The following SLC22A2 variants were observed in gnomAD, a reference collection of about 807,000 sequenced individuals.
SLC22A2 encodes organic cation transporter 2.
A neutral mutation model predicts 60.5 loss-of-function variants in SLC22A2; 46 were observed. The observed-to-expected ratio is 0.76, with a 90% CI of 0.60 to 0.97. SLC22A2 has a LOEUF of 0.97. SLC22A2 is among the 50% of genes least tolerant of loss of function. SLC22A2 has a pLI of 0.00. For missense variants in SLC22A2, 701 were observed against 706.6 expected (o/e 0.99, Z 0.09); for synonymous variants, 303 against 267.0 (o/e 1.13, Z -1.31).
At position 160,228,922 on chromosome 6, in the gene SLC22A2, C is replaced by T. The variant is rs181852416; in HGVS notation, c.1502-4118G>A. On this transcript the variant is annotated intron_variant, in intron 9 of 10. Coordinates refer to ENST00000366953, the MANE Select transcript of SLC22A2 (RefSeq NM_003058.4). Reference sequence around the variant, plus strand: ...CATTACCTACCCAAATCCTATAAAACGGCCCCACCCCTATCTCCCTTCGAT... The same window carrying T: ...CATTACCTACCCAAATCCTATAAAATGGCCCCACCCCTATCTCCCTTCGAT... Among the ~76,000 whole-genome samples the T allele has an allele frequency of 1.2e-3, 178 of 151,626 alleles. 3 individuals are homozygous for T. Among genetic ancestry groups the T allele is most frequent in the African/African-American group, 3.8e-3 (157 of 41,088 alleles).
intron 10 of SLC22A2, among the ~76,000 whole-genome samples, chr6:160,221,508 T>C (rs951036196): frequency 1.3e-5 from 2 of 152,254 alleles, no homozygotes; most frequent in African/African-American, 4.8e-5. Context: ...CTTGGCTACC[T>C]GGTACAAGAG....
intron 2 of SLC22A2, among the ~76,000 whole-genome samples, chr6:160,254,361 C>CTT (rs767626448): frequency 1.3e-5 from 2 of 152,098 alleles, no homozygotes; most frequent in Admixed American, 6.5e-5. Context: ...TGAGGAATTG[C>CTT]TTTTTTGTCT....
At chr6:160,250,502 A>T (rs189579404) in intron 3 of SLC22A2, 46 bp downstream of exon 3, 1 of 1,604,626 alleles carries the variant, frequency 6.2e-7, no homozygotes. Context: ...CTATTTTGGC[A>T]GCGAGGTTGC....
chr6:160,245,595 C>A, intron 5 of SLC22A2, 50 bp from the exon 6 acceptor site: 1 of 1,175,728 alleles, frequency 8.5e-7, no homozygotes, highest in Non-Finnish European at 1.2e-6. Flanking sequence ...TGCTAGTGTC[C>A]CTGGGTCACA....
intron 10 of SLC22A2, among the ~76,000 whole-genome samples, chr6:160,219,700 G>A (rs1782614952): frequency 6.6e-6 from 1 of 151,794 alleles, no homozygotes; most frequent in Admixed American, 6.6e-5. Flanking sequence ...GCATACCTCA[G>A]AGATATTGGG....
At position 160,258,575 on chromosome 6, in the gene SLC22A2, CAG is replaced by C; in HGVS notation, c.181_182del (p.Leu61AlafsTer29). The C allele has an allele frequency of 6.2e-7, 1 of 1,613,906 alleles. No homozygotes were observed. Among genetic ancestry groups the C allele is most frequent in the South Asian group, 1.1e-5 (1 of 91,048 alleles). Reference sequence around the variant, plus strand: ...CCTCTGCAGGACTCCAGCCGCAGCGCAGACTCAGCTCGGCCACTCCGGGGCTC... The same window carrying C: ...CCTCTGCAGGACTCCAGCCGCAGCGCACTCAGCTCGGCCACTCCGGGGCTC... ...CRSPGVAELSLRCGWSPAEEL... is the reference protein window; with the variant it reads ...CRSPGVAELSXRCGWSPAEEL... On this transcript the variant is annotated frameshift_variant, in exon 1 of 11. Coordinates refer to ENST00000366953, the MANE Select transcript of SLC22A2 (RefSeq NM_003058.4). LOFTEE classifies it high-confidence loss of function.
Position 160,224,815 on chromosome 6 carries a change from A to C in SLC22A2, c.1502-11T>G. The C allele has an allele frequency of 6.6e-7, 1 of 1,504,832 alleles. No homozygotes were observed. The highest frequency in any genetic ancestry group is 9.1e-7 in the Non-Finnish European group (1 of 1,100,538). The allele number at this position is 1,504,832 out of a possible 1,614,324, so 93.2% of individuals were successfully genotyped here. A position where few individuals can be genotyped will look rare whatever the true frequency, so the allele number is the denominator to read the frequency against. On this transcript the variant is annotated splice_polypyrimidine_tract_variant and intron_variant, in intron 9 of 10. Coordinates refer to ENST00000366953, the MANE Select transcript of SLC22A2 (RefSeq NM_003058.4). ...CCAAGCCAAGCACGCCTGAAAGCCA[A>C]ACAGATGAATATCACATTAAGAACT...
chr6:160,226,412 T>C (rs1782724002), intron 9 of SLC22A2, among the ~76,000 whole-genome samples: 6 of 152,164 alleles, frequency 3.9e-5, no homozygotes, highest in Non-Finnish European at 1.5e-5. Context: ...TCTGGAGAAA[T>C]TGACTGTCTA....
At chr6:160,222,542 G>A (rs374566246) in intron 10 of SLC22A2, among the ~76,000 whole-genome samples, 9 of 152,208 alleles carry the variant, frequency 5.9e-5, no homozygotes, top group Admixed American at 3.9e-4. Flanking sequence ...TGTATGCCAC[G>A]CACTGTGCTG....
chr6:160,258,471 C>T lies in SLC22A2; in HGVS notation c.287G>A (p.Trp96Ter). The change falls in exon 1 of 11, where the codon TGG (tryptophan) becomes TAG (stop). Residue 96 changes from tryptophan to a stop codon, truncating the protein, a stop_gained. Transcript: ENST00000366953. LOFTEE classifies it high-confidence loss of function. Reference protein sequence around the residue: ...PRQCRRYEVDWNQSTFDCVDP... With the variant: ...PRQCRRYEVD ...CACGCAGTCGAAGGTGCTCTGGTTCCAGTCCACCTCGTAGCGCCTACACTG... is the reference window on the plus strand; with the variant it reads ...CACGCAGTCGAAGGTGCTCTGGTTCTAGTCCACCTCGTAGCGCCTACACTG... The T allele has an allele frequency of 6.2e-7, 1 of 1,614,160 alleles. No individual in the cohort carries two copies. The highest frequency in any genetic ancestry group is 8.5e-7 in the Non-Finnish European group (1 of 1,180,024).
chr6:160,241,618 A>G (rs914142762), intron 8 of SLC22A2, 32 bp from the exon 9 acceptor site: 2 of 1,417,084 alleles, frequency 1.4e-6, no homozygotes, highest in Middle Eastern at 1.7e-4. Context: ...TAACTTGTTA[A>G]CTTATCACAG....
intron 9 of SLC22A2, among the ~76,000 whole-genome samples, chr6:160,236,092 A>G (rs1221959267): frequency 6.6e-6 from 1 of 151,006 alleles, no homozygotes; most frequent in Non-Finnish European, 1.5e-5. Flanking sequence ...AGACTTTACC[A>G]TCCACAGACA....
At chr6:160,234,343 G>A (rs1288450181) in intron 9 of SLC22A2, among the ~76,000 whole-genome samples, 3 of 152,098 alleles carry the variant, frequency 2.0e-5, no homozygotes, top group African/African-American at 4.8e-5. Context: ...TTCCTAAGAG[G>A]GACGCTTGAG....
chr6:160,250,484 A>T, intron 3 of SLC22A2, 64 bp downstream of exon 3: 2 of 1,538,434 alleles, frequency 1.3e-6, no homozygotes, highest in South Asian at 2.2e-5. Flanking sequence ...GCCGCCCCCC[A>T]CCTGACTCTA....
intron 2 of SLC22A2, among the ~76,000 whole-genome samples, chr6:160,255,107 T>A (rs1389308706): frequency 1.3e-5 from 2 of 152,216 alleles, no homozygotes; most frequent in Non-Finnish European, 2.9e-5. Context: ...CCTGATTTAA[T>A]GCGTCATCTT....
intron 1 of SLC22A2, 79 bp downstream of exon 1, chr6:160,258,265 C>T: frequency 1.4e-6 from 2 of 1,475,400 alleles, no homozygotes; most frequent in East Asian, 2.3e-5. Flanking sequence ...TTTATAAGAG[C>T]CGGGCCTTCC....
intron 9 of SLC22A2, among the ~76,000 whole-genome samples, chr6:160,225,755 T>C (rs1248139296): frequency 1.3e-5 from 2 of 152,142 alleles, no homozygotes; most frequent in Admixed American, 1.3e-4. Flanking sequence ...CTAGATGGAA[T>C]GGTAAACACA....
intron 2 of SLC22A2, among the ~76,000 whole-genome samples, chr6:160,254,438 T>C (rs2114872166): frequency 6.6e-6 from 1 of 152,338 alleles, no homozygotes; most frequent in African/African-American, 2.4e-5. Flanking sequence ...TTAGTCTTAT[T>C]TACAATCTTT....
chr6:160,242,353 G>A lies in SLC22A2; in HGVS notation c.1329C>T (p.Ile443=). The A allele has an allele frequency of 1.2e-6, 2 of 1,610,558 alleles. No individual in the cohort carries two copies. The highest frequency in any genetic ancestry group is 1.7e-6 in the Non-Finnish European group (2 of 1,176,772). ...GGCAGACTATCTCATAGGCCATTGT[G>A]ATCCCCATTCTTCCCAAGCATGAGA... ...IIISCLGRMG[I]TMAYEIVCLV... Residue 443 remains isoleucine, a synonymous_variant, in exon 8 of 11, where the codon ATC becomes ATT. Coordinates refer to ENST00000366953, the MANE Select transcript of SLC22A2 (RefSeq NM_003058.4).
Sources: gnomAD v4.1 joint callset for allele counts (sites outside exome capture counted in the v4.1 genomes callset) on GRCh38, gnomAD v4.1.1 for gene constraint, MANE v1.5 for transcripts, NCBI Gene and HGNC (gene_info 2026-07-23, HGNC 2026-07-21) for gene names.